The following RANBP2 variants were observed in gnomAD, a reference collection of about 807,000 sequenced individuals.
RANBP2 encodes the protein E3 SUMO-protein ligase RanBP2.
In RANBP2, 57 loss-of-function variants were observed where a neutral mutation model predicts 303.6. The observed-to-expected ratio is 0.19, with a 90% CI of 0.15 to 0.23. The LOEUF is 0.23. Among genes scored for constraint, RANBP2 ranks in the 10% least tolerant of loss-of-function variants. The pLI is 1.00. For synonymous variants in RANBP2, 1,167 were observed against 1,301.5 expected, an observed-to-expected ratio of 0.90 and a Z score of 2.23; for missense variants, 3,138 against 3,780.8, an observed-to-expected ratio of 0.83 and a Z score of 4.46.
At chr2:109,624,674 CT>C in the RANBP2 span, among the ~76,000 whole-genome samples, 1 of 152,176 alleles carries the variant, frequency 6.6e-6, no homozygotes, top group East Asian at 1.9e-4. Context: ...TGTGGAAAAA[CT>C]ACTTGGAAAC....
chr2:109,051,203 C>T, the RANBP2 span, among the ~76,000 whole-genome samples: 22 of 152,210 alleles, frequency 1.4e-4, no homozygotes, highest in Non-Finnish European at 2.9e-4. Context: ...ATGCTTGCAA[C>T]GGCATAGGCT....
the RANBP2 span, among the ~76,000 whole-genome samples, chr2:109,594,491 T>C: frequency 6.6e-6 from 1 of 152,078 alleles, no homozygotes. Context: ...GAATCTCTCC[T>C]GGAGACTGTT....
At chr2:109,649,425 T>G in the RANBP2 span, among the ~76,000 whole-genome samples, 50,707 of 151,738 alleles carry the variant, frequency 0.33, 9,081 homozygotes, top group Middle Eastern at 0.47. Flanking sequence ...TGAGACAGAG[T>G]CTCACTCTGT....
In RANBP2 at chr2:108,784,451, A is replaced by T. The variant is rs995484823; in HGVS notation, c.*550A>T. ...ATCTTTACACCTCCTGTGTGGTTAC[A>T]AGTTAACTTTGTAAGTAGCGTACCT... On this transcript the variant is annotated 3_prime_UTR_variant, in exon 29 of 29. Transcript: ENST00000283195. 2.4e-4 allele frequency: 36 copies of T among 152,892 alleles called. No individual in the cohort carries two copies. Among genetic ancestry groups the T allele is most frequent in the African/African-American group, 8.2e-4 (34 of 41,568 alleles). 9.5% of individuals were successfully genotyped at this position (152,892 alleles called of 1,614,324 possible).
the RANBP2 span, among the ~76,000 whole-genome samples, chr2:108,925,295 T>C: frequency 1.3e-5 from 2 of 152,236 alleles, no homozygotes; most frequent in African/African-American, 4.8e-5. Context: ...ACTTTGATGC[T>C]GAGGTGGACA....
chr2:108,870,020 T>G, the RANBP2 span, among the ~76,000 whole-genome samples: 8 of 152,136 alleles, frequency 5.3e-5, no homozygotes, highest in Non-Finnish European at 1.0e-4. Context: ...TTAAATATGC[T>G]CAATGAGCTA....
chr2:108,951,876 C>T, the RANBP2 span, among the ~76,000 whole-genome samples: 1 of 152,144 alleles, frequency 6.6e-6, no homozygotes, highest in South Asian at 2.1e-4. Flanking sequence ...ATGATCTTCC[C>T]AAGGTCTCTT....
chr2:108,878,435 A>G, the RANBP2 span: 5 of 215,942 alleles, frequency 2.3e-5, no homozygotes, highest in African/African-American at 1.2e-4. Context: ...AAGAGGAGAC[A>G]CTGGAGAGGA....
the RANBP2 span, among the ~76,000 whole-genome samples, chr2:109,268,065 C>A: frequency 6.6e-6 from 1 of 151,754 alleles, no homozygotes; most frequent in Non-Finnish European, 1.5e-5. Flanking sequence ...CAGACTGTCC[C>A]CTAATCCCAC....
chr2:109,540,915 G>A, the RANBP2 span, among the ~76,000 whole-genome samples: 3 of 151,318 alleles, frequency 2.0e-5, no homozygotes, highest in East Asian at 1.9e-4. Context: ...CTGTTCTCTT[G>A]TAAACTACAT....
the RANBP2 span, chr2:108,856,851 G>A: frequency 1.2e-6 from 2 of 1,613,330 alleles, no homozygotes; most frequent in Non-Finnish European, 1.7e-6. Context: ...ACAGAAGAAG[G>A]AAAAACCTTG....
the RANBP2 span, among the ~76,000 whole-genome samples, chr2:109,283,210 C>T: frequency 1.3e-5 from 2 of 152,186 alleles, no homozygotes; most frequent in Admixed American, 1.3e-4. Context: ...TCGCTCCCTC[C>T]AGGCCCCAGC....
the RANBP2 span, among the ~76,000 whole-genome samples, chr2:109,515,910 G>A: frequency 1.3e-5 from 2 of 152,124 alleles, no homozygotes; most frequent in Admixed American, 6.5e-5. Flanking sequence ...TCCGCCCCAC[G>A]ACCCAAACAC....
At chr2:109,444,471 A>G in the RANBP2 span, among the ~76,000 whole-genome samples, 1 of 152,208 alleles carries the variant, frequency 6.6e-6, no homozygotes. Flanking sequence ...TGTGAGAATC[A>G]GGGGACCAGA....
chr2:108,790,022 A>G (rs143901273), downstream of RANBP2, among the ~76,000 whole-genome samples: 44 of 152,352 alleles, frequency 2.9e-4, no homozygotes, highest in Middle Eastern at 0.01. Flanking sequence ...TGTATGTTAC[A>G]TAATTAGTAT....
chr2:108,911,078 G>C, the RANBP2 span: 2 of 1,614,090 alleles, frequency 1.2e-6, no homozygotes, highest in East Asian at 4.5e-5. Context: ...GAGTTCTGTG[G>C]GTGGAGAGAA....
the RANBP2 span, among the ~76,000 whole-genome samples, chr2:108,916,867 A>C: frequency 6.6e-6 from 1 of 152,166 alleles, no homozygotes; most frequent in Non-Finnish European, 1.5e-5. Flanking sequence ...ATCTGCAGGG[A>C]GACACTTCTC....
At chr2:109,613,456 A>G in the RANBP2 span, 911 of 267,012 alleles carry the variant, frequency 3.4e-3, 3 homozygotes, top group Middle Eastern at 6.1e-3. Context: ...ATCAGTCCGC[A>G]CTGCGCCTTC....
At chr2:108,983,014 TA>T in the RANBP2 span, among the ~76,000 whole-genome samples, 1 of 152,190 alleles carries the variant, frequency 6.6e-6, no homozygotes, top group Non-Finnish European at 1.5e-5. Context: ...TTGGAGATTT[TA>T]TTGCCCATAA....
Sources: gnomAD v4.1 joint callset for allele counts (sites outside exome capture counted in the v4.1 genomes callset) on GRCh38, gnomAD v4.1.1 for gene constraint, MANE v1.5 for transcripts, NCBI Gene and HGNC (gene_info 2026-07-23, HGNC 2026-07-21) for gene names.